Variants in DST observed in about 807,000 individuals in gnomAD.
DST encodes bullous pemphigoid antigen.
In DST, 253 loss-of-function variants were observed where a neutral mutation model predicts 875.2. That is an observed-to-expected ratio of 0.29 (90% confidence interval 0.26 to 0.32). The LOEUF (loss-of-function observed/expected upper bound fraction) is 0.32, where lower values mean the gene tolerates loss of function less well. DST is among the 10% of genes least tolerant of loss of function. DST has a pLI of 1.00. For missense variants in DST, 8,287 were observed against 9,111.6 expected (o/e 0.91, Z 3.68); for synonymous variants, 3,124 against 3,197.1 (o/e 0.98, Z 0.77).
At position 56,648,585 on chromosome 6, in the gene DST, A is replaced by T. The variant is rs1441141835; in HGVS notation, c.1539T>A (p.Asn513Lys). 6.3e-7 allele frequency: 1 copy of T among 1,581,878 alleles called. No homozygotes were observed. ...TGACACTAACCTTCAGTTCTACAGG[A>T]TTATTAGGAAATGTTCTCTCAGACA... ...TTMSERTFPN[N>K]PVELKALYNQ... The change falls in exon 13 of 104, where the codon AAT becomes AAA. Residue 513 changes from asparagine to lysine, a missense_variant. By Grantham distance (94) the Asn-to-Lys change is moderately conservative. Coordinates refer to ENST00000680361, the MANE Select transcript of DST (RefSeq NM_001374736.1).
At chr6:56,881,480 A>G (rs1194765426) in intron 3 of DST, among the ~76,000 whole-genome samples, 1 of 152,162 alleles carries the variant, frequency 6.6e-6, no homozygotes, top group Non-Finnish European at 1.5e-5. Flanking sequence ...TCAAAAAACA[A>G]CAACAACAAA....
intron 49 of DST, among the ~76,000 whole-genome samples, chr6:56,586,884 G>A (rs1025625521): frequency 6.6e-6 from 1 of 152,062 alleles, no homozygotes; most frequent in African/African-American, 2.4e-5. Context: ...CAAACAGAAA[G>A]GACATCCACA....
chr6:56,610,729 AAT>A (rs2098537569), intron 38 of DST, among the ~76,000 whole-genome samples, 167 bp from the exon 39 acceptor site: 1 of 152,196 alleles, frequency 6.6e-6, no homozygotes, highest in Non-Finnish European at 1.5e-5. Context: ...ATGGCCTTAA[AAT>A]ATCTAAGGAT....
intron 3 of DST, among the ~76,000 whole-genome samples, chr6:56,886,295 C>G (rs151176243): frequency 2.6e-5 from 4 of 152,326 alleles, no homozygotes; most frequent in African/African-American, 9.6e-5. Flanking sequence ...TGAGAGAGGT[C>G]TGCTTCTAAC....
At chr6:56,754,732 A>G (rs2099597416) in intron 4 of DST, among the ~76,000 whole-genome samples, 2 of 152,218 alleles carry the variant, frequency 1.3e-5, no homozygotes, top group South Asian at 4.1e-4. Context: ...TGAATATTTT[A>G]GTGTGGTAAA....
intron 5 of DST, among the ~76,000 whole-genome samples, chr6:56,705,232 G>C (rs1005556216): frequency 6.6e-6 from 1 of 152,132 alleles, no homozygotes; most frequent in South Asian, 2.1e-4. Flanking sequence ...CCATTTTCTC[G>C]CCTTTCAGTG....
At chr6:56,586,688 G>A (rs985342951) in intron 49 of DST, among the ~76,000 whole-genome samples, 37 of 152,146 alleles carry the variant, frequency 2.4e-4, no homozygotes, top group Non-Finnish European at 4.0e-4. Flanking sequence ...CACCTCACAC[G>A]GCCAGGTACT....
intron 4 of DST, among the ~76,000 whole-genome samples, chr6:56,795,893 TA>T (rs1218005665): frequency 6.6e-6 from 1 of 152,208 alleles, no homozygotes; most frequent in Admixed American, 6.5e-5. Context: ...AGAGCACCAA[TA>T]AAAAATTTTT....
chr6:56,822,937 C>T (rs1157650061), intron 4 of DST, among the ~76,000 whole-genome samples: 1 of 151,946 alleles, frequency 6.6e-6, no homozygotes, highest in Non-Finnish European at 1.5e-5. Context: ...AAGGAGAATC[C>T]TCCTGCCTCA....
At chr6:56,689,592 C>T (rs2152856218) in intron 9 of DST, among the ~76,000 whole-genome samples, 1 of 152,248 alleles carries the variant, frequency 6.6e-6, no homozygotes, top group Non-Finnish European at 1.5e-5. Flanking sequence ...TGCAGGGACC[C>T]TGGGGCCAGG....
intron 2 of DST, among the ~76,000 whole-genome samples, chr6:56,940,928 C>A (rs1427178347): frequency 6.6e-6 from 1 of 152,042 alleles, no homozygotes; most frequent in African/African-American, 2.4e-5. Flanking sequence ...CATAGTTATA[C>A]CCTCTCTTTC....
chr6:56,685,239 T>C (rs1452022343), intron 9 of DST, among the ~76,000 whole-genome samples: 2 of 152,176 alleles, frequency 1.3e-5, no homozygotes, highest in African/African-American at 2.4e-5. Flanking sequence ...TTGCAGACTA[T>C]GCATCTGAAA....
chr6:56,563,366 T>C (rs2097573408), intron 55 of DST, among the ~76,000 whole-genome samples: 1 of 152,248 alleles, frequency 6.6e-6, no homozygotes, highest in South Asian at 2.1e-4. Context: ...CATGTGTCTG[T>C]TGGCTGCATA....
chr6:56,902,941 T>TTC (rs139723497), intron 2 of DST, among the ~76,000 whole-genome samples: 1,744 of 130,156 alleles, frequency 0.013, 34 homozygotes, highest in East Asian at 0.046. Flanking sequence ...CACACATTCA[T>TTC]TCTCTCTCTC....
Position 56,618,870 on chromosome 6 carries a change from C to T in DST, c.4930-4386G>A, listed in dbSNP as rs904661472. On this transcript the variant is annotated intron_variant, in intron 36 of 103. Transcript: ENST00000680361. ...TCCTCTATGGTCTTTAAGTGTAATT[C>T]GTCTTGTACTTTTTTCAACCTGTTA... The T allele has an allele frequency of 1.1e-5, 17 of 1,613,910 alleles. No individual in the cohort carries two copies. Among genetic ancestry groups the T allele is most frequent in the Admixed American group, 3.3e-5 (2 of 59,996 alleles).
chr6:56,534,829 A>G (rs1282014926), intron 63 of DST, among the ~76,000 whole-genome samples: 1 of 151,756 alleles, frequency 6.6e-6, no homozygotes, highest in Non-Finnish European at 1.5e-5. Context: ...CCATTCATTT[A>G]TTTACTTTAC....
rs773292051 is a variant in DST at position 56,527,605 on chromosome 6, G to T, written c.17810C>A (p.Ser5937Tyr). Residue 5937 changes from serine to tyrosine, a missense_variant, in exon 68 of 104, where the codon TCC becomes TAC. By Grantham distance (144) the Ser-to-Tyr change is moderately radical. This residue lies in a region of DST where 777 missense variants were observed against 764.8 expected (regional missense o/e 1.02). Transcript: ENST00000680361. ...CCAGGTACACAGCTCTTCGTGTGTGGAGTGCAGCCGCCTTGCAAGCTGCAG... is the reference window on the plus strand; with the variant it reads ...CCAGGTACACAGCTCTTCGTGTGTGTAGTGCAGCCGCCTTGCAAGCTGCAG... ...QALQLARRLH[S>Y]THEELCTWLD... 1 of 1,613,800 alleles carries T rather than the reference G, an allele frequency of 6.2e-7. No individual in the cohort carries two copies. Among genetic ancestry groups the T allele is most frequent in the South Asian group, 1.1e-5 (1 of 91,078 alleles).
intron 44 of DST, 114 bp downstream of exon 44, chr6:56,601,329 T>C: frequency 3.1e-6 from 2 of 653,058 alleles, no homozygotes; most frequent in Admixed American, 2.8e-5. Flanking sequence ...CACTGTATCT[T>C]ATCCATTAAT....
intron 80 of DST, 30 bp downstream of exon 80, chr6:56,501,050 G>A: frequency 6.2e-7 from 1 of 1,601,064 alleles, no homozygotes; most frequent in Non-Finnish European, 8.5e-7. Context: ...GGACAGAGAA[G>A]AAACATAACA....
Sources: allele counts gnomAD v4.1 joint callset (sites outside exome capture counted in the v4.1 genomes callset), GRCh38; gene constraint gnomAD v4.1.1; regional missense constraint gnomAD v4.1.1; transcripts MANE v1.5; gene names NCBI Gene and HGNC (gene_info 2026-07-23, HGNC 2026-07-21).